MARCHF1: variants seen among roughly 807,000 people sequenced by gnomAD.
The protein encoded by MARCHF1 is E3 ubiquitin-protein ligase MARCHF1.
In MARCHF1, 40 loss-of-function variants were observed where a neutral mutation model predicts 54.2. The observed-to-expected ratio is 0.74, with a 90% CI of 0.57 to 0.96. The LOEUF (loss-of-function observed/expected upper bound fraction) is 0.96. Ranked by LOEUF, MARCHF1 falls within the 40% of genes least tolerant of loss-of-function variation. The pLI is 0.00. For missense variants in MARCHF1, 586 were observed against 656.5 expected (o/e 0.89, Z 1.17); for synonymous variants, 236 against 236.3 (o/e 1.00, Z 0.01).
intron 3 of MARCHF1, among the ~76,000 whole-genome samples, chr4:163,920,303 A>C (rs1751396702): frequency 6.6e-6 from 1 of 152,228 alleles, no homozygotes; most frequent in African/African-American, 2.4e-5. Context: ...GAACCCAGAT[A>C]ACCATGAAAT....
chr4:164,250,174 C>G (rs1733082137), intron 1 of MARCHF1, among the ~76,000 whole-genome samples: 1 of 151,914 alleles, frequency 6.6e-6, no homozygotes. Flanking sequence ...AGAGCAGATC[C>G]AAGATAGATT....
At chr4:164,006,630 A>C (rs1560858456) in intron 2 of MARCHF1, among the ~76,000 whole-genome samples, 1 of 152,118 alleles carries the variant, frequency 6.6e-6, no homozygotes, top group East Asian at 1.9e-4. Context: ...GGCAGTCCTA[A>C]GAACACTAAG....
chr4:163,888,667 G>A (rs868489544), intron 3 of MARCHF1, among the ~76,000 whole-genome samples: 14 of 152,146 alleles, frequency 9.2e-5, no homozygotes, highest in African/African-American at 3.4e-4. Flanking sequence ...CTACTCCAGA[G>A]AAAGAAATCA....
At chr4:163,888,529 T>C (rs1221334686) in intron 3 of MARCHF1, among the ~76,000 whole-genome samples, 1 of 152,190 alleles carries the variant, frequency 6.6e-6, no homozygotes, top group African/African-American at 2.4e-5. Context: ...TTCTGCACTT[T>C]TGTCTTTAGC....
chr4:164,231,765 A>G (rs1732420127), intron 1 of MARCHF1, among the ~76,000 whole-genome samples: 1 of 152,114 alleles, frequency 6.6e-6, no homozygotes, highest in Admixed American at 6.6e-5. Flanking sequence ...TTCTCTCTAT[A>G]TACTTTTCCC....
intron 2 of MARCHF1, among the ~76,000 whole-genome samples, chr4:164,079,015 T>G (rs1424929036): frequency 6.6e-6 from 1 of 152,156 alleles, no homozygotes; most frequent in Admixed American, 6.5e-5. Flanking sequence ...GGGAATCTCA[T>G]TATTACTTTA....
At chr4:163,970,837 G>T (rs1752532328) in intron 3 of MARCHF1, among the ~76,000 whole-genome samples, 1 of 151,986 alleles carries the variant, frequency 6.6e-6, no homozygotes, top group Admixed American at 6.6e-5. Context: ...ACCAATATAT[G>T]CTCCAAAAAC....
At chr4:163,866,978 C>T (rs929325693) in intron 3 of MARCHF1, among the ~76,000 whole-genome samples, 1 of 151,784 alleles carries the variant, frequency 6.6e-6, no homozygotes, top group Admixed American at 6.6e-5. Flanking sequence ...AGTTTTGGTG[C>T]CTATATTTTT....
chr4:163,620,567 CCACACACACACACA>C (rs138692310), intron 5 of MARCHF1, among the ~76,000 whole-genome samples: 2 of 120,076 alleles, frequency 1.7e-5, no homozygotes, highest in African/African-American at 3.2e-5. Flanking sequence ...ATGAGGTACA[CCACACACACACACA>C]CACACACACA....
At chr4:164,186,038 G>A (rs544642565) in intron 1 of MARCHF1, among the ~76,000 whole-genome samples, 15 of 151,964 alleles carry the variant, frequency 9.9e-5, no homozygotes, top group Admixed American at 2.6e-4. Context: ...GACTACAGGC[G>A]CCTGCCACCA....
At chr4:164,317,987 G>T (rs1372393393) in intron 1 of MARCHF1, among the ~76,000 whole-genome samples, 1 of 152,178 alleles carries the variant, frequency 6.6e-6, no homozygotes, top group Non-Finnish European at 1.5e-5. Context: ...TTGGTAACCA[G>T]TGCAGACTTG....
In MARCHF1 at chr4:163,864,323, GA is replaced by G. The variant is rs58680551; in HGVS notation, c.-38-10155del. On this transcript the variant is annotated intron_variant, in intron 3 of 9. Transcript: ENST00000514618. Reference sequence around the variant, plus strand: ...ACACATAACTCCAGTCTAATCATCAGAAAAAAAAAATCAGAACAATCTCAAT... The same window carrying G: ...ACACATAACTCCAGTCTAATCATCAGAAAAAAAAATCAGAACAATCTCAAT... Among the ~76,000 whole-genome samples, 737 of 147,518 alleles carry G rather than the reference GA, an allele frequency of 5.0e-3. 4 individuals are homozygous for G. Among genetic ancestry groups the G allele is most frequent in the African/African-American group, 0.017 (701 of 40,386 alleles).
chr4:164,369,179 G>GAA (rs1730962899), intron 1 of MARCHF1, among the ~76,000 whole-genome samples: 1 of 152,128 alleles, frequency 6.6e-6, no homozygotes, highest in African/African-American at 2.4e-5. Context: ...ACAGGCTCAC[G>GAA]GCCAGACGCT....
At chr4:164,047,073 T>C (rs1754258200) in intron 2 of MARCHF1, among the ~76,000 whole-genome samples, 1 of 152,166 alleles carries the variant, frequency 6.6e-6, no homozygotes, top group Admixed American at 6.5e-5. Context: ...ATACTTATAT[T>C]TGAAATAAAC....
chr4:164,000,652 G>C (rs1057337334), intron 2 of MARCHF1, among the ~76,000 whole-genome samples: 3 of 151,630 alleles, frequency 2.0e-5, no homozygotes, highest in African/African-American at 4.8e-5. Flanking sequence ...TTACATTAAA[G>C]AAGAAGGAAC....
chr4:164,356,588 G>A (rs980356162), intron 1 of MARCHF1, among the ~76,000 whole-genome samples: 1 of 141,384 alleles, frequency 7.1e-6, no homozygotes, highest in African/African-American at 2.6e-5. Flanking sequence ...GACACATGAA[G>A]GGGATCACAC....
intron 2 of MARCHF1, among the ~76,000 whole-genome samples, chr4:164,089,237 G>A (rs1008883851): frequency 6.6e-6 from 1 of 152,018 alleles, no homozygotes; most frequent in African/African-American, 2.4e-5. Flanking sequence ...ATTGAATATT[G>A]TCATGAAAAT....
chr4:163,880,806 A>G (rs1750397773), intron 3 of MARCHF1, among the ~76,000 whole-genome samples: 1 of 152,176 alleles, frequency 6.6e-6, no homozygotes, highest in Non-Finnish European at 1.5e-5. Context: ...ATTTTTTTCA[A>G]TGAAAGTATA....
intron 1 of MARCHF1, among the ~76,000 whole-genome samples, chr4:164,148,142 A>AACACAC (rs10573891): frequency 0.016 from 2,363 of 147,826 alleles, 42 homozygotes; most frequent in Middle Eastern, 0.055. Flanking sequence ...TTAAAAAAAT[A>AACACAC]ACACACACAC....
Sources: allele counts gnomAD v4.1 joint callset (sites outside exome capture counted in the v4.1 genomes callset), GRCh38; gene constraint gnomAD v4.1.1; transcripts MANE v1.5; gene names NCBI Gene and HGNC (gene_info 2026-07-23, HGNC 2026-07-21).